Variants in ACTR2 observed in about 807,000 individuals in gnomAD.
ACTR2 encodes the protein actin related protein 2, also known as actin-related protein 2.
Under a neutral mutation model 50.2 loss-of-function variants are expected in ACTR2, and 5 were observed. The ratio of observed to expected loss-of-function variants is 0.10; its 90% CI spans 0.05 to 0.21. The LOEUF is 0.21. Ranked by LOEUF, ACTR2 falls within the 10% of genes least tolerant of loss-of-function variation. ACTR2 has a pLI of 1.00. For missense variants in ACTR2, 180 were observed against 480.6 expected (o/e 0.37, Z 5.85); for synonymous variants, 140 against 162.9 (o/e 0.86, Z 1.07).
At chr2:65,242,759 AT>A in intron 2 of ACTR2, 1 of 378,246 alleles carries the variant, frequency 2.6e-6, no homozygotes, top group South Asian at 2.0e-5. Context: ...TCTTCATTGT[AT>A]TTTTCTGTGA....
intron 6 of ACTR2, among the ~76,000 whole-genome samples, chr2:65,259,066 A>C (rs542836503): frequency 6.6e-6 from 1 of 151,600 alleles, no homozygotes; most frequent in South Asian, 2.1e-4. Context: ...TCAATCTCCC[A>C]GGGTTAGGTG....
chr2:65,228,203 C>G, intron 1 of ACTR2: 1 of 399,612 alleles, frequency 2.5e-6, no homozygotes, highest in Non-Finnish European at 4.4e-6. Flanking sequence ...GAGACCGGCA[C>G]TGGACATGGA....
At position 65,270,878 on chromosome 2, in the gene ACTR2, G is replaced by A. The variant is rs1183054519; in HGVS notation, c.*2144G>A. 1 of 151,468 alleles carries A rather than the reference G, an allele frequency of 6.6e-6. No individual in the cohort carries two copies. Among genetic ancestry groups the A allele is most frequent in the African/African-American group, 2.4e-5 (1 of 41,196 alleles). 9.4% of individuals were successfully genotyped at this position (151,468 alleles called of 1,614,324 possible). ...GGGTGGAGTATTATGTTTAACTGGAGTTGTCAAGTATGAGTCCCTCAGGAA... is the reference window on the plus strand; with the variant it reads ...GGGTGGAGTATTATGTTTAACTGGAATTGTCAAGTATGAGTCCCTCAGGAA... On this transcript the variant is annotated 3_prime_UTR_variant, in exon 9 of 9. Transcript: ENST00000260641.
rs13423881 is a variant in ACTR2 at position 65,239,609 on chromosome 2, G to C, written c.49-243G>C. On this transcript the variant is annotated intron_variant, in intron 1 of 8. Transcript: ENST00000260641. ...GCTCCCTGCTCTTATGAGGCTTTTG[G>C]TCTAGTGAGGGAACTTAGGCACTAA... Among the ~76,000 whole-genome samples, 49,846 of 152,142 alleles carry C rather than the reference G, an allele frequency of 0.33. 9,117 individuals carry two copies. Among genetic ancestry groups the C allele is most frequent in the African/African-American group, 0.48 (19,761 of 41,498 alleles).
chr2:65,256,879 A>T (rs1309469725), intron 6 of ACTR2, among the ~76,000 whole-genome samples: 2 of 40,072 alleles, frequency 5.0e-5, no homozygotes, highest in Non-Finnish European at 1.5e-4. Context: ...GTCGGTAAAA[A>T]AAAAAAAAAA....
chr2:65,246,412 TG>T, intron 2 of ACTR2, 111 bp from the exon 3 acceptor site: 1 of 738,518 alleles, frequency 1.4e-6, no homozygotes, highest in Non-Finnish European at 2.2e-6. Flanking sequence ...TTCTAACTTG[TG>T]GAATAAAAAG....
intron 3 of ACTR2, among the ~76,000 whole-genome samples, chr2:65,248,898 A>AGCTAC (rs2103999969): frequency 6.6e-6 from 1 of 152,338 alleles, no homozygotes; most frequent in East Asian, 1.9e-4. Context: ...CTGTAATCCC[A>AGCTAC]GCTACGCAGG....
At chr2:65,228,374 C>T (rs1429364953) in intron 1 of ACTR2, 4 of 168,132 alleles carry the variant, frequency 2.4e-5, no homozygotes, top group African/African-American at 9.7e-5. Context: ...AGGCCTTCCT[C>T]TTCCTGTATA....
intron 7 of ACTR2, 33 bp downstream of exon 7, chr2:65,261,425 A>G: frequency 5.1e-6 from 8 of 1,564,952 alleles, no homozygotes; most frequent in Non-Finnish European, 7.0e-6. Context: ...AAAGTTATTT[A>G]TCAGAAAAAT....
At chr2:65,256,256 G>T (rs1672147384) in intron 6 of ACTR2, among the ~76,000 whole-genome samples, 1 of 152,154 alleles carries the variant, frequency 6.6e-6, no homozygotes, top group African/African-American at 2.4e-5. Context: ...TAATTCAGTA[G>T]GTGGCAGCCT....
chr2:65,263,033 A>G (rs1033347273), intron 7 of ACTR2, among the ~76,000 whole-genome samples: 4 of 150,562 alleles, frequency 2.7e-5, no homozygotes, highest in African/African-American at 9.7e-5. Flanking sequence ...ATATTTTTAT[A>G]TGTTTAAGGG....
chr2:65,241,990 C>A, intron 2 of ACTR2: 1 of 1,597,578 alleles, frequency 6.3e-7, no homozygotes, highest in Non-Finnish European at 8.6e-7. Flanking sequence ...TTATTTAGGC[C>A]TTTTCTGACT....
At position 65,242,490 on chromosome 2, in the gene ACTR2, T is replaced by C. The variant is rs962587325; in HGVS notation, c.159+2528T>C. The C allele has an allele frequency of 9.7e-5, 34 of 349,500 alleles. 1 individual carries two copies. Among genetic ancestry groups the C allele is most frequent in the South Asian group, 7.7e-4 (33 of 43,088 alleles). The allele number at this position is 349,500 out of a possible 1,614,324, so 21.6% of individuals were successfully genotyped here. A position where few individuals can be genotyped will look rare whatever the true frequency, so the allele number is the denominator to read the frequency against. On this transcript the variant is annotated intron_variant, in intron 2 of 8. Transcript: ENST00000260641. ...TGAACATTGACTGTCATAGCCTGTA[T>C]ATATATTTGCATCTAGTGTGGTATC... is the stretch of plus-strand genomic sequence containing the variant.
intron 3 of ACTR2, 126 bp downstream of exon 3, chr2:65,246,865 A>G: frequency 1.4e-6 from 1 of 712,002 alleles, no homozygotes; most frequent in Non-Finnish European, 2.3e-6. Context: ...CTTATTAAGT[A>G]TCTACTATAT....
intron 3 of ACTR2, among the ~76,000 whole-genome samples, chr2:65,249,829 G>C (rs1408427997): frequency 1.3e-5 from 2 of 152,214 alleles, no homozygotes; most frequent in African/African-American, 4.8e-5. Flanking sequence ...TGTAATTACA[G>C]TCTTGATTCA....
intron 8 of ACTR2, 63 bp downstream of exon 8, chr2:65,265,238 A>T (rs1397919549): frequency 6.3e-7 from 1 of 1,589,338 alleles, no homozygotes; most frequent in African/African-American, 1.3e-5. Context: ...TAGTTTGTGA[A>T]TCTTGACAAC....
chr2:65,260,837 C>T (rs1424453644), intron 6 of ACTR2, among the ~76,000 whole-genome samples: 2 of 149,918 alleles, frequency 1.3e-5, no homozygotes, highest in East Asian at 4.0e-4. Context: ...TCACGCCATT[C>T]TCCTGCCTCA....
chr2:65,262,342 G>A (rs1026791361), intron 7 of ACTR2, among the ~76,000 whole-genome samples: 1 of 151,470 alleles, frequency 6.6e-6, no homozygotes, highest in Non-Finnish European at 1.5e-5. Context: ...CGATTCTCCT[G>A]CCTCAGCCTC....
intron 1 of ACTR2, among the ~76,000 whole-genome samples, chr2:65,234,054 G>A (rs540866844): frequency 6.6e-6 from 1 of 152,060 alleles, no homozygotes; most frequent in Non-Finnish European, 1.5e-5. Flanking sequence ...GGGGCTACAG[G>A]TGTGTGTCAC....
Sources: allele counts gnomAD v4.1 joint callset (sites outside exome capture counted in the v4.1 genomes callset), GRCh38; gene constraint gnomAD v4.1.1; transcripts MANE v1.5; gene names NCBI Gene and HGNC (gene_info 2026-07-23, HGNC 2026-07-21).